PCDHGA4: variants seen among roughly 807,000 people sequenced by gnomAD.
The protein encoded by PCDHGA4 is protocadherin gamma-A4.
A neutral mutation model predicts 54.6 loss-of-function variants in PCDHGA4; 38 were observed. The observed-to-expected ratio is 0.70, with a 90% CI of 0.54 to 0.91. PCDHGA4 has a LOEUF of 0.91. Among genes scored for constraint, PCDHGA4 ranks in the 40% least tolerant of loss-of-function variants. PCDHGA4 has a pLI of 0.00. For synonymous variants in PCDHGA4, 511 were observed against 512.9 expected (o/e 1.00, Z 0.05); for missense variants, 1,298 against 1,220.9 (o/e 1.06, Z -0.94).
intron 1 of PCDHGA4, among the ~76,000 whole-genome samples, chr5:141,463,990 G>A (rs2099073582): frequency 6.6e-6 from 1 of 151,990 alleles, no homozygotes; most frequent in Non-Finnish European, 1.5e-5. Flanking sequence ...TAAAAACCAG[G>A]TGCAGTGGCT....
intron 1 of PCDHGA4, chr5:141,427,552 C>T (rs1233231671): frequency 1.5e-6 from 1 of 645,244 alleles, no homozygotes; most frequent in South Asian, 1.5e-5. Context: ...ATCACTGCCA[C>T]TGACAAGGGC....
intron 1 of PCDHGA4, chr5:141,423,426 G>A: frequency 6.2e-7 from 1 of 1,614,028 alleles, no homozygotes; most frequent in Non-Finnish European, 8.5e-7. Context: ...AAGGCGGGTT[G>A]GCAGGTATGC....
At chr5:141,369,364 A>G (rs1766184094) in intron 1 of PCDHGA4, among the ~76,000 whole-genome samples, 2 of 152,320 alleles carry the variant, frequency 1.3e-5, no homozygotes, top group African/African-American at 4.8e-5. Context: ...ATGAAAAAAC[A>G]TCCTTTGTAA....
intron 1 of PCDHGA4, chr5:141,385,450 CA>C (rs1781205135): frequency 4.1e-6 from 6 of 1,446,726 alleles, no homozygotes; most frequent in Admixed American, 5.7e-5. Context: ...ATGAGTTTAC[CA>C]GTTTCCTTCA....
At position 141,490,521 on chromosome 5, in the gene PCDHGA4, C is replaced by T. The variant is rs146064810; in HGVS notation, c.2515-4286C>T. The stretch of plus-strand genomic sequence containing the variant: ...ACTATATCATCGAGCTGCTGGCCAG[C>T]GATGCTGGTTCACCTTCCCTACACA... On this transcript the variant is annotated intron_variant, in intron 1 of 3. Coordinates refer to ENST00000571252, the MANE Select transcript of PCDHGA4 (RefSeq NM_018917.4). This position sits in a 1 kb window ranked among gnomAD's most constrained non-coding sequence, Gnocchi z 5.4. The T allele has an allele frequency of 1.0e-4, 166 of 1,614,058 alleles. No individual in the cohort carries two copies. In the African/African-American group the frequency reaches 1.7e-3, roughly 16 times the overall value.
At chr5:141,387,649 G>T (rs1020449158) in intron 1 of PCDHGA4, 13 of 640,184 alleles carry the variant, frequency 2.0e-5, no homozygotes, top group Non-Finnish European at 3.1e-5. Context: ...TGGCCAAAGT[G>T]GAGAGCTTGG....
In PCDHGA4 at chr5:141,432,220, C is replaced by A. The variant is rs949257429; in HGVS notation, c.2515-62587C>A. ...CCGACTGTGAAGAGAACGCCCAGAT[C>A]ACTTATTCCCTGGCTGAGAACACCA... On this transcript the variant is annotated intron_variant, in intron 1 of 3. Coordinates refer to ENST00000571252, the MANE Select transcript of PCDHGA4 (RefSeq NM_018917.4). This position sits in a 1 kb window ranked among gnomAD's most constrained non-coding sequence, Gnocchi z 6.0. The A allele has an allele frequency of 2.5e-6, 4 of 1,614,246 alleles. No homozygotes were observed. The highest frequency in any genetic ancestry group is 1.6e-4 in the Middle Eastern group (1 of 6,062).
At chr5:141,405,352 T>C (rs747137239) in intron 1 of PCDHGA4, 12 of 1,614,170 alleles carry the variant, frequency 7.4e-6, no homozygotes, top group Middle Eastern at 1.6e-4. Flanking sequence ...CCAAGTTTCC[T>C]ATAGAAGACA....
chr5:141,439,667 C>T (rs149776177), intron 1 of PCDHGA4, among the ~76,000 whole-genome samples: 2,012 of 152,292 alleles, frequency 0.013, 16 homozygotes, highest in Middle Eastern at 0.034. Context: ...TCATGGAATG[C>T]AAATCCAAGA....
At chr5:141,508,371 C>T (rs1250979168) in intron 3 of PCDHGA4, 1 of 152,226 alleles carries the variant, frequency 6.6e-6, no homozygotes, top group East Asian at 1.9e-4. Flanking sequence ...CAACTTCTTC[C>T]CCTCAGATTT....
intron 1 of PCDHGA4, among the ~76,000 whole-genome samples, chr5:141,386,638 G>A (rs1376557329): frequency 6.6e-6 from 1 of 151,840 alleles, no homozygotes; most frequent in Non-Finnish European, 1.5e-5. Flanking sequence ...CACCCAGGCT[G>A]GATACATTTT....
At chr5:141,361,313 T>G in intron 1 of PCDHGA4, 1 of 1,613,982 alleles carries the variant, frequency 6.2e-7, no homozygotes, top group Non-Finnish European at 8.5e-7. Context: ...GCCAAGTTTA[T>G]TTTGAAATCT....
rs2099622509 is a variant in PCDHGA4 at position 141,485,988 on chromosome 5, G to T, written c.2515-8819G>T. On this transcript the variant is annotated intron_variant, in intron 1 of 3. Coordinates refer to ENST00000571252, the MANE Select transcript of PCDHGA4 (RefSeq NM_018917.4). The surrounding 1 kb of genome is among the most constrained non-coding windows in gnomAD (Gnocchi z 5.7). The stretch of plus-strand genomic sequence containing the variant: ...CTCAATGCCTCAGACCCGGACCTGG[G>T]TCCCAGTGGTAACGTCACCTTTTAT... 16 of 1,614,188 alleles carry T rather than the reference G, an allele frequency of 9.9e-6. No homozygotes were observed. The highest frequency in any genetic ancestry group is 1.4e-5 in the Non-Finnish European group (16 of 1,180,038).
At chr5:141,383,559 G>C in intron 1 of PCDHGA4, 1 of 1,612,810 alleles carries the variant, frequency 6.2e-7, no homozygotes, top group Non-Finnish European at 8.5e-7. Context: ...GCGGCGACCC[G>C]CCCCGATCCA....
At chr5:141,500,116 C>T (rs1458562489) in intron 2 of PCDHGA4, among the ~76,000 whole-genome samples, 4 of 149,046 alleles carry the variant, frequency 2.7e-5, no homozygotes, top group Admixed American at 2.0e-4. Context: ...GAATCCCTGC[C>T]TTTTCATATA....
intron 1 of PCDHGA4, among the ~76,000 whole-genome samples, chr5:141,405,668 G>A (rs1468042334): frequency 6.6e-6 from 1 of 152,100 alleles, no homozygotes; most frequent in Non-Finnish European, 1.5e-5. Context: ...AGTAGAGACG[G>A]GGTGTCACCA....
At position 141,434,771 on chromosome 5, in the gene PCDHGA4, TA is replaced by T. The variant is rs36031641; in HGVS notation, c.2515-60023del. On this transcript the variant is annotated intron_variant, in intron 1 of 3. Transcript: ENST00000571252. ...CCCCTGATTCCCCACTTCACACTTC[TA>T]AAAAAAAAAAAATTTTTTTTTCTGA... 2.5e-3 allele frequency among the ~76,000 whole-genome samples: 362 copies of T among 145,286 alleles called. 1 individual carries two copies. The highest frequency in any genetic ancestry group is 0.011 in the Middle Eastern group (3 of 280).
intron 1 of PCDHGA4, among the ~76,000 whole-genome samples, chr5:141,463,025 T>G (rs2099051289): frequency 6.6e-6 from 1 of 152,202 alleles, no homozygotes; most frequent in Non-Finnish European, 1.5e-5. Flanking sequence ...ACTTTTTTGA[T>G]TAATCTGAGT....
chr5:141,452,002 T>C (rs965343762), intron 1 of PCDHGA4, among the ~76,000 whole-genome samples: 1 of 152,220 alleles, frequency 6.6e-6, no homozygotes, highest in African/African-American at 2.4e-5. Context: ...GCAAAATCAC[T>C]TGGTCCAGCC....
Sources: allele counts gnomAD v4.1 joint callset (sites outside exome capture counted in the v4.1 genomes callset), GRCh38; gene constraint gnomAD v4.1.1; non-coding constraint Gnocchi (gnomAD v3.1); transcripts MANE v1.5; gene names NCBI Gene and HGNC (gene_info 2026-07-23, HGNC 2026-07-21).